The following SLIT2 variants were observed in gnomAD, a reference collection of about 807,000 sequenced individuals.
SLIT2 encodes slit guidance ligand 2.
SLIT2 carries 41 observed loss-of-function variants against 185.7 expected under a neutral mutation model. The observed-to-expected ratio is 0.22, with a 90% CI of 0.17 to 0.29. The LOEUF is 0.29. Ranked by LOEUF, SLIT2 falls within the 10% of genes least tolerant of loss-of-function variation. The probability of loss-of-function intolerance (pLI) is 1.00; values close to 1 mark genes in which losing one functional copy is unlikely to be tolerated. For synonymous variants in SLIT2, 693 were observed against 680.2 expected (o/e 1.02, Z -0.29); for missense variants, 1,571 against 1,909.0 (o/e 0.82, Z 3.30).
intron 3 of SLIT2, among the ~76,000 whole-genome samples, chr4:20,259,960 C>G (rs903426130): frequency 3.9e-5 from 6 of 151,928 alleles, no homozygotes; most frequent in African/African-American, 1.4e-4. Flanking sequence ...AATTCATTTC[C>G]TTGGACTCTG....
At chr4:20,513,627 A>G (rs1381549616) in intron 11 of SLIT2, among the ~76,000 whole-genome samples, 3 of 152,210 alleles carry the variant, frequency 2.0e-5, no homozygotes, top group African/African-American at 7.2e-5. Flanking sequence ...ATAAACTGGC[A>G]AATGTATAGT....
chr4:20,412,809 C>G (rs562452440), intron 4 of SLIT2, among the ~76,000 whole-genome samples: 2 of 151,966 alleles, frequency 1.3e-5, no homozygotes, highest in Non-Finnish European at 2.9e-5. Flanking sequence ...AATCTTCAGC[C>G]CATTAGCAAT....
chr4:20,324,531 A>T (rs1719391399), intron 4 of SLIT2, among the ~76,000 whole-genome samples: 1 of 152,180 alleles, frequency 6.6e-6, no homozygotes, highest in South Asian at 2.1e-4. Context: ...AAATGGAATC[A>T]GGAATTGAAA....
intron 4 of SLIT2, among the ~76,000 whole-genome samples, chr4:20,435,820 A>G (rs1729309165): frequency 6.6e-6 from 1 of 152,196 alleles, no homozygotes; most frequent in Non-Finnish European, 1.5e-5. Flanking sequence ...GCTAAATGTT[A>G]ACTTTATCCT....
chr4:20,333,134 G>A (rs1271690080), intron 4 of SLIT2, among the ~76,000 whole-genome samples: 2 of 152,190 alleles, frequency 1.3e-5, no homozygotes, highest in East Asian at 3.9e-4. Flanking sequence ...ATATTTGGAG[G>A]AGAATACCCT....
chr4:20,586,858 A>C (rs1030177058), intron 29 of SLIT2, among the ~76,000 whole-genome samples: 1 of 152,190 alleles, frequency 6.6e-6, no homozygotes, highest in Non-Finnish European at 1.5e-5. Flanking sequence ...AGAAACCATT[A>C]GCCCTGGCAT....
chr4:20,352,874 C>T (rs1451846562), intron 4 of SLIT2, among the ~76,000 whole-genome samples: 1 of 152,154 alleles, frequency 6.6e-6, no homozygotes, highest in Admixed American at 6.5e-5. Flanking sequence ...GAGTGCGTCA[C>T]TGCAATCCAG....
intron 16 of SLIT2, among the ~76,000 whole-genome samples, chr4:20,530,879 G>GAA (rs1476018168): frequency 1.3e-5 from 2 of 149,934 alleles, no homozygotes; most frequent in Non-Finnish European, 3.0e-5. Flanking sequence ...ATAAACACAT[G>GAA]AAAAACTGCT....
At chr4:20,548,776 G>T (rs904992020) in intron 23 of SLIT2, among the ~76,000 whole-genome samples, 1 of 152,068 alleles carries the variant, frequency 6.6e-6, no homozygotes, top group Non-Finnish European at 1.5e-5. Flanking sequence ...GTTTGTGGGG[G>T]GCTTAGGGGA....
chr4:20,256,256 T>G (rs1045104494), intron 1 of SLIT2, among the ~76,000 whole-genome samples: 2 of 151,766 alleles, frequency 1.3e-5, no homozygotes, highest in African/African-American at 4.8e-5. Context: ...TTTTATAAAA[T>G]TTCTTCCTGA....
intron 2 of SLIT2, 66 bp from the exon 3 acceptor site, chr4:20,257,802 C>T (rs572949041): frequency 2.4e-6 from 2 of 823,516 alleles, no homozygotes; most frequent in South Asian, 3.0e-5. Context: ...TTTTCAGTTG[C>T]TGAATTGAAA....
chr4:20,573,501 T>C (rs1044516712), intron 29 of SLIT2, among the ~76,000 whole-genome samples: 13 of 152,184 alleles, frequency 8.5e-5, no homozygotes, highest in African/African-American at 3.1e-4. Context: ...TAGAAACTTT[T>C]TGAGTGGGAA....
intron 5 of SLIT2, among the ~76,000 whole-genome samples, chr4:20,470,568 G>GT (rs1259345283): frequency 2.0e-5 from 3 of 146,538 alleles, no homozygotes; most frequent in Non-Finnish European, 4.5e-5. Context: ...ACCCCAGTTT[G>GT]TTTTTTTTGT....
In SLIT2 at chr4:20,613,366, G is replaced by A. The variant is rs183574463; in HGVS notation, c.3847+3199G>A. Among the ~76,000 whole-genome samples, 489 of 152,312 alleles carry A rather than the reference G, an allele frequency of 3.2e-3. 3 individuals are homozygous for A. The highest frequency in any genetic ancestry group is 6.8e-3 in the Middle Eastern group (2 of 294). On this transcript the variant is annotated intron_variant, in intron 34 of 36. Coordinates refer to ENST00000504154, the MANE Select transcript of SLIT2 (RefSeq NM_004787.4). ...GATGCCCTTGGCAGGAACATGGATG[G>A]AGCTGGAGGCCATTATCCTTAGCAA... is the stretch of plus-strand genomic sequence containing the variant.
intron 4 of SLIT2, among the ~76,000 whole-genome samples, chr4:20,436,442 T>C (rs908657297): frequency 2.6e-5 from 4 of 152,190 alleles, no homozygotes; most frequent in African/African-American, 9.7e-5. Flanking sequence ...TTCCTAGATT[T>C]GAGGATGCTC....
chr4:20,557,467 A>G (rs898555639), intron 26 of SLIT2, among the ~76,000 whole-genome samples: 4 of 152,026 alleles, frequency 2.6e-5, no homozygotes, highest in Admixed American at 2.0e-4. Context: ...ATGAGAGTAC[A>G]CCTGTTTACA....
At chr4:20,391,857 C>A (rs990698012) in intron 4 of SLIT2, among the ~76,000 whole-genome samples, 1 of 151,976 alleles carries the variant, frequency 6.6e-6, no homozygotes, top group African/African-American at 2.4e-5. Context: ...GAAAAAAAGT[C>A]CTCAAAATGG....
intron 4 of SLIT2, among the ~76,000 whole-genome samples, chr4:20,426,307 A>C (rs191506390): frequency 1.1e-3 from 172 of 152,338 alleles, no homozygotes; most frequent in Non-Finnish European, 2.1e-4. Context: ...TAGAAGGGGA[A>C]GATTTATAAA....
intron 24 of SLIT2, among the ~76,000 whole-genome samples, chr4:20,550,210 A>G (rs1199321558): frequency 1.3e-5 from 2 of 152,114 alleles, no homozygotes; most frequent in Non-Finnish European, 2.9e-5. Context: ...ACTTCCAATT[A>G]GTAGAGCATT....
Sources: gnomAD v4.1 joint callset for allele counts (sites outside exome capture counted in the v4.1 genomes callset) on GRCh38, gnomAD v4.1.1 for gene constraint, MANE v1.5 for transcripts, NCBI Gene and HGNC (gene_info 2026-07-23, HGNC 2026-07-21) for gene names.